COL21A1: variants seen among roughly 807,000 people sequenced by gnomAD.
COL21A1 encodes collagen type XXI alpha 1 chain.
In COL21A1, 149 loss-of-function variants were observed where a neutral mutation model predicts 137.9. The observed-to-expected ratio is 1.08, with a 90% CI of 0.95 to 1.24. COL21A1 has a LOEUF of 1.24. Among genes scored for constraint, COL21A1 ranks in the 50% most tolerant of loss-of-function variants. The pLI, the probability that COL21A1 is intolerant of heterozygous loss-of-function variation, is 0.00. For missense variants in COL21A1, 1,167 were observed against 1,158.4 expected (o/e 1.01, Z -0.11); for synonymous variants, 456 against 391.5 (o/e 1.16, Z -1.95).
At chr6:56,354,026 T>C (rs1005795091) in intron 1 of COL21A1, among the ~76,000 whole-genome samples, 1 of 152,212 alleles carries the variant, frequency 6.6e-6, no homozygotes, top group Non-Finnish European at 1.5e-5. Flanking sequence ...AGGGAATCTG[T>C]CCAAGAGGTG....
intron 1 of COL21A1, among the ~76,000 whole-genome samples, chr6:56,190,039 C>T (rs1342015115): frequency 6.6e-6 from 1 of 151,932 alleles, no homozygotes; most frequent in Non-Finnish European, 1.5e-5. Context: ...AGACCATCGA[C>T]ACCATGAAGA....
chr6:56,064,446 C>G, intron 24 of COL21A1, 132 bp downstream of exon 24: 1 of 600,364 alleles, frequency 1.7e-6, no homozygotes. Context: ...CATGTTCAAC[C>G]TTATATGCTT....
intron 14 of COL21A1, among the ~76,000 whole-genome samples, chr6:56,124,762 C>T (rs1772875209): frequency 6.6e-6 from 1 of 152,006 alleles, no homozygotes; most frequent in South Asian, 2.1e-4. Context: ...CTGCCTCAGG[C>T]TCCCGAGTAG....
At chr6:56,190,142 A>G (rs1778562576) in intron 1 of COL21A1, among the ~76,000 whole-genome samples, 1 of 152,208 alleles carries the variant, frequency 6.6e-6, no homozygotes, top group Non-Finnish European at 1.5e-5. Flanking sequence ...CAAAAAATCA[A>G]TGAATCCAGG....
intron 1 of COL21A1, among the ~76,000 whole-genome samples, chr6:56,298,325 T>C (rs1406606706): frequency 6.6e-6 from 1 of 152,096 alleles, no homozygotes; most frequent in Admixed American, 6.6e-5. Flanking sequence ...TTAAATGGAA[T>C]GCAGTTAAGT....
chr6:56,235,153 A>G (rs1028301293), intron 1 of COL21A1, among the ~76,000 whole-genome samples: 1 of 151,922 alleles, frequency 6.6e-6, no homozygotes, highest in African/African-American at 2.4e-5. Context: ...CCATAAACTT[A>G]CAGAAACTTG....
chr6:56,169,670 GCTATACATC>G (rs1166922579), intron 5 of COL21A1, among the ~76,000 whole-genome samples: 2 of 151,806 alleles, frequency 1.3e-5, no homozygotes, highest in African/African-American at 4.8e-5. Flanking sequence ...CCATCAAAAT[GCTATACATC>G]CTTCAAGGTC....
In COL21A1 at chr6:56,125,597, G is replaced by T. The variant is rs1346504018; in HGVS notation, c.1620C>A (p.Asp540Glu). ...TGCCATAAAATCCAGGTGATCCTTT[G>T]TCTCCTTTGGCACCCATTTCACCCT... Reference protein sequence around the residue: ...GSKGEMGAKGDKGSPGFYGKK... With the variant: ...GSKGEMGAKGEKGSPGFYGKK... The change falls in exon 14 of 30, where the codon GAC becomes GAA. Residue 540 changes from aspartate to glutamate, a missense_variant. Coordinates refer to ENST00000244728, the MANE Select transcript of COL21A1 (RefSeq NM_030820.4). 6.3e-7 allele frequency: 1 copy of T among 1,597,506 alleles called. No individual in the cohort carries two copies.
chr6:56,163,231 A>G (rs1776313706), intron 9 of COL21A1, among the ~76,000 whole-genome samples: 1 of 152,228 alleles, frequency 6.6e-6, no homozygotes, highest in African/African-American at 2.4e-5. Context: ...ATCAATACAC[A>G]TAAACATTAT....
intron 3 of COL21A1, among the ~76,000 whole-genome samples, chr6:56,176,876 G>C (rs183522469): frequency 1.1e-3 from 148 of 137,050 alleles, no homozygotes; most frequent in African/African-American, 4.0e-3. Context: ...GGGGAGGAAA[G>C]AGGAGGAAGG....
intron 1 of COL21A1, among the ~76,000 whole-genome samples, chr6:56,390,684 A>C (rs1401789364): frequency 1.3e-5 from 2 of 152,182 alleles, no homozygotes; most frequent in East Asian, 3.8e-4. Flanking sequence ...AATAGATTTC[A>C]TGACAAAAAC....
rs552968722 is a variant in COL21A1, at chr6:56,218,493, G to A, written c.-39+28894C>T. Among the ~76,000 whole-genome samples, 5 of 152,134 alleles carry A rather than the reference G, an allele frequency of 3.3e-5. No homozygotes were observed. The South Asian group carries it at 8.3e-4, about 25-fold the overall frequency. ...CCCTCTTAGATGGAAATAGGCTGGT[G>A]CAAATGTTATTGTGTTTTTTTGCCT... is the stretch of plus-strand genomic sequence containing the variant. On this transcript the variant is annotated intron_variant, in intron 1 of 29. Coordinates refer to ENST00000244728, the MANE Select transcript of COL21A1 (RefSeq NM_030820.4).
chr6:56,262,109 T>G (rs755761845), intron 1 of COL21A1, among the ~76,000 whole-genome samples: 18 of 152,200 alleles, frequency 1.2e-4, no homozygotes, highest in African/African-American at 4.1e-4. Context: ...TCAAACCTGG[T>G]GTCTTTCTTA....
chr6:56,085,927 T>C (rs894878470), intron 17 of COL21A1, among the ~76,000 whole-genome samples: 1 of 148,474 alleles, frequency 6.7e-6, no homozygotes, highest in African/African-American at 2.4e-5. Flanking sequence ...ATATTCATAA[T>C]ACAGATAATT....
chr6:56,389,335 G>A (rs990771787), intron 1 of COL21A1, among the ~76,000 whole-genome samples: 3 of 151,444 alleles, frequency 2.0e-5, no homozygotes, highest in Non-Finnish European at 4.4e-5. Flanking sequence ...CTCCAGCCTG[G>A]GCAACAGAGC....
chr6:56,131,165 G>GA (rs1773527204), intron 12 of COL21A1, among the ~76,000 whole-genome samples: 1 of 151,764 alleles, frequency 6.6e-6, no homozygotes, highest in African/African-American at 2.4e-5. Flanking sequence ...ACTGAAGGTT[G>GA]AAAAAATGGT....
chr6:56,284,436 G>C (rs1210860968), intron 1 of COL21A1, among the ~76,000 whole-genome samples: 3 of 152,120 alleles, frequency 2.0e-5, no homozygotes, highest in Non-Finnish European at 4.4e-5. Context: ...TTAGTATCCT[G>C]TTGTAGTTGT....
At chr6:56,297,443 A>G (rs535840129) in intron 1 of COL21A1, among the ~76,000 whole-genome samples, 1 of 152,244 alleles carries the variant, frequency 6.6e-6, no homozygotes, top group South Asian at 2.1e-4. Context: ...ACTTACAAAG[A>G]CAGACAGGTC....
At chr6:56,135,777 T>G (rs1209100461) in intron 12 of COL21A1, among the ~76,000 whole-genome samples, 1 of 152,206 alleles carries the variant, frequency 6.6e-6, no homozygotes, top group Non-Finnish European at 1.5e-5. Context: ...ATTAACCTTT[T>G]CTTTATATTT....
Sources: allele counts gnomAD v4.1 joint callset (sites outside exome capture counted in the v4.1 genomes callset), GRCh38; gene constraint gnomAD v4.1.1; transcripts MANE v1.5; gene names NCBI Gene and HGNC (gene_info 2026-07-23, HGNC 2026-07-21).